MBD5: variants seen among roughly 807,000 people sequenced by gnomAD.
MBD5 encodes methyl-CpG binding domain protein 5.
In MBD5, 13 loss-of-function variants were observed where a neutral mutation model predicts 117.3. The observed-to-expected ratio is 0.11, with a 90% CI of 0.07 to 0.18. MBD5 has a LOEUF of 0.18. Among genes scored for constraint, MBD5 ranks in the 10% least tolerant of loss-of-function variants. MBD5 has a pLI of 1.00. For synonymous variants in MBD5, 727 were observed against 766.4 expected, an observed-to-expected ratio of 0.95 and a Z score of 0.85; for missense variants, 1,879 against 2,093.8, an observed-to-expected ratio of 0.90 and a Z score of 2.00.
chr2:148,225,323 C>T (rs1199465964), intron 2 of MBD5, among the ~76,000 whole-genome samples: 1 of 151,818 alleles, frequency 6.6e-6, no homozygotes, highest in African/African-American at 2.4e-5. Flanking sequence ...AAACAAAAAA[C>T]TAATAAACAC....
intron 4 of MBD5, among the ~76,000 whole-genome samples, chr2:148,447,206 A>AGAAAGAAAGAAAGAAAGAAG (rs1559075687): frequency 4.1e-3 from 50 of 12,164 alleles, no homozygotes; most frequent in Non-Finnish European, 0.017. Context: ...AAAGAAAGAA[A>AGAAAGAAAGAAAGAAAGAAG]GAAAGAAAGA....
intron 3 of MBD5, among the ~76,000 whole-genome samples, chr2:148,322,543 T>G (rs1047055998): frequency 6.6e-6 from 1 of 152,188 alleles, no homozygotes; most frequent in African/African-American, 2.4e-5. Flanking sequence ...TTTCCTACTT[T>G]AAAATGTAAT....
At chr2:148,452,091 T>TC (rs1370476502) in intron 4 of MBD5, among the ~76,000 whole-genome samples, 1 of 152,212 alleles carries the variant, frequency 6.6e-6, no homozygotes, top group African/African-American at 2.4e-5. Flanking sequence ...ATTAATCATT[T>TC]AATTATTCAG....
intron 4 of MBD5, among the ~76,000 whole-genome samples, chr2:148,422,710 CTAGAA>C (rs1366601176): frequency 6.6e-6 from 1 of 152,110 alleles, no homozygotes; most frequent in East Asian, 1.9e-4. Context: ...AAATGGCTAA[CTAGAA>C]TAACCACTTT....
intron 4 of MBD5, among the ~76,000 whole-genome samples, chr2:148,441,140 A>G (rs967771784): frequency 2.0e-5 from 3 of 152,046 alleles, no homozygotes; most frequent in Non-Finnish European, 4.4e-5. Flanking sequence ...GTTCTAGGGT[A>G]CATGTGCACA....
At chr2:148,480,773 T>G (rs541966057) in intron 8 of MBD5, among the ~76,000 whole-genome samples, 1 of 152,122 alleles carries the variant, frequency 6.6e-6, no homozygotes, top group Non-Finnish European at 1.5e-5. Flanking sequence ...TATGTTTTCT[T>G]ACCCTACTCT....
intron 2 of MBD5, among the ~76,000 whole-genome samples, chr2:148,230,526 T>C (rs187936760): frequency 6.6e-6 from 1 of 152,232 alleles, no homozygotes; most frequent in East Asian, 1.9e-4. Flanking sequence ...AATAACCTGC[T>C]TGGTGCTCTG....
chr2:148,514,700 A>G lies in MBD5; in HGVS notation c.*1759A>G, dbSNP rs552219259. ...CCTGTCATGTAGCAGAGTTCCAGTA[A>G]CTCAGGAAAATGGAGACCAAGGTCA... On this transcript the variant is annotated 3_prime_UTR_variant, in exon 14 of 14. Transcript: ENST00000642680. 6.2e-4 allele frequency: 95 copies of G among 152,430 alleles called. No homozygotes were observed. The highest frequency in any genetic ancestry group is 2.2e-3 in the African/African-American group (93 of 41,546). 9.4% of individuals were successfully genotyped at this position (152,430 alleles called of 1,614,324 possible).
chr2:148,410,615 G>C (rs1267260101), intron 4 of MBD5, among the ~76,000 whole-genome samples: 1 of 152,098 alleles, frequency 6.6e-6, no homozygotes, highest in African/African-American at 2.4e-5. Flanking sequence ...ATTTTTTGTA[G>C]TGACAGACTT....
chr2:148,376,888 T>C (rs537164620), intron 4 of MBD5, among the ~76,000 whole-genome samples: 77 of 142,092 alleles, frequency 5.4e-4, no homozygotes, highest in Non-Finnish European at 8.9e-4. Flanking sequence ...TATATATAAT[T>C]ATATTATATA....
At chr2:148,199,752 C>G (rs1471056456) in intron 2 of MBD5, among the ~76,000 whole-genome samples, 1 of 151,192 alleles carries the variant, frequency 6.6e-6, no homozygotes, top group Non-Finnish European at 1.5e-5. Context: ...AGAGTAAGAC[C>G]CTGTCTCAAA....
At chr2:148,287,099 A>G (rs1465480296) in intron 3 of MBD5, among the ~76,000 whole-genome samples, 4 of 152,146 alleles carry the variant, frequency 2.6e-5, no homozygotes, top group Non-Finnish European at 2.9e-5. Flanking sequence ...GTCTCCAATC[A>G]TTAATGTTTA....
At chr2:148,097,117 A>G (rs1191816983) in intron 1 of MBD5, among the ~76,000 whole-genome samples, 1 of 152,218 alleles carries the variant, frequency 6.6e-6, no homozygotes, top group East Asian at 1.9e-4. Context: ...TGATAAATTT[A>G]TAACAGCAAA....
intron 4 of MBD5, among the ~76,000 whole-genome samples, chr2:148,372,900 G>A (rs748571364): frequency 2.0e-5 from 3 of 151,988 alleles, no homozygotes; most frequent in Non-Finnish European, 4.4e-5. Context: ...TTTTTCCTCT[G>A]ATTTTCCACC....
intron 4 of MBD5, among the ~76,000 whole-genome samples, chr2:148,357,070 G>A (rs1207606096): frequency 6.6e-6 from 1 of 152,116 alleles, no homozygotes; most frequent in African/African-American, 2.4e-5. Context: ...GAGCCTTACA[G>A]GTCTGGGGGA....
chr2:148,306,035 T>A (rs537895309), intron 3 of MBD5, among the ~76,000 whole-genome samples: 9 of 152,228 alleles, frequency 5.9e-5, no homozygotes, highest in Non-Finnish European at 1.2e-4. Context: ...ATTGATCACA[T>A]AGGCTTTTAA....
At chr2:148,219,752 G>A (rs2890920) in intron 2 of MBD5, among the ~76,000 whole-genome samples, 36,905 of 151,942 alleles carry the variant, frequency 0.24, 4,681 homozygotes, top group Admixed American at 0.3. Context: ...CAAAAAACTG[G>A]GGAAATCACA....
intron 5 of MBD5, among the ~76,000 whole-genome samples, chr2:148,459,311 T>G (rs538399327): frequency 6.6e-5 from 10 of 152,308 alleles, no homozygotes; most frequent in African/African-American, 1.9e-4. Context: ...TAAAAATACA[T>G]TTCTTTTTTT....
intron 1 of MBD5, among the ~76,000 whole-genome samples, chr2:148,159,285 G>T (rs1354761853): frequency 6.6e-6 from 1 of 151,948 alleles, no homozygotes; most frequent in East Asian, 1.9e-4. Context: ...CAGATAAGTT[G>T]TCTTCTAATT....
Sources: gnomAD v4.1 joint callset for allele counts (sites outside exome capture counted in the v4.1 genomes callset) on GRCh38, gnomAD v4.1.1 for gene constraint, MANE v1.5 for transcripts, NCBI Gene and HGNC (gene_info 2026-07-23, HGNC 2026-07-21) for gene names.